Variants in RIMBP2 observed in about 807,000 individuals in gnomAD.
The protein encoded by RIMBP2 is RIMS binding protein 2.
A neutral mutation model predicts 118.6 loss-of-function variants in RIMBP2; 48 were observed. That is an observed-to-expected ratio of 0.40 (90% CI 0.32 to 0.51). RIMBP2 has a LOEUF of 0.51. Ranked by LOEUF, RIMBP2 falls within the 20% of genes least tolerant of loss-of-function variation. RIMBP2 has a pLI of 0.41. For synonymous variants in RIMBP2, 762 were observed against 742.9 expected, an observed-to-expected ratio of 1.03 and a Z score of -0.42; for missense variants, 1,551 against 1,768.3, an observed-to-expected ratio of 0.88 and a Z score of 2.20.
chr12:130,642,875 C>G (rs1237911138), intron 1 of RIMBP2, among the ~76,000 whole-genome samples: 1 of 152,212 alleles, frequency 6.6e-6, no homozygotes, highest in Admixed American at 6.5e-5. Context: ...CACGTGCCCT[C>G]TCGGCCAGGC....
intron 2 of RIMBP2, among the ~76,000 whole-genome samples, chr12:130,592,456 TGAG>T (rs751522329): frequency 7.2e-5 from 11 of 152,028 alleles, no homozygotes; most frequent in Admixed American, 3.9e-4. Flanking sequence ...TCTGGGAGGC[TGAG>T]GAGGGTGGAT....
chr12:130,669,443 G>T (rs1289088318), intron 1 of RIMBP2, among the ~76,000 whole-genome samples: 1 of 152,156 alleles, frequency 6.6e-6, no homozygotes, highest in African/African-American at 2.4e-5. Flanking sequence ...CAGGTGGGAG[G>T]TGATTGCACC....
chr12:130,672,150 C>T (rs1009443792), intron 1 of RIMBP2, among the ~76,000 whole-genome samples: 6 of 152,164 alleles, frequency 3.9e-5, no homozygotes, highest in South Asian at 4.1e-4. Context: ...CATCAATGCT[C>T]GGAGAATTCT....
At chr12:130,624,097 A>G (rs187238330) in intron 2 of RIMBP2, among the ~76,000 whole-genome samples, 116 of 152,352 alleles carry the variant, frequency 7.6e-4, no homozygotes, top group African/African-American at 2.7e-3. Flanking sequence ...TGCTGGGTGA[A>G]ACACAGCGAT....
intron 2 of RIMBP2, among the ~76,000 whole-genome samples, chr12:130,604,995 A>G (rs559157516): frequency 6.6e-6 from 1 of 152,176 alleles, no homozygotes; most frequent in African/African-American, 2.4e-5. Context: ...AGTCCAGTAC[A>G]GTCACATCCT....
chr12:130,417,789 C>G (rs542577233), intron 17 of RIMBP2, among the ~76,000 whole-genome samples: 1 of 152,126 alleles, frequency 6.6e-6, no homozygotes, highest in African/African-American at 2.4e-5. Flanking sequence ...AATACATATG[C>G]ATATATATAC....
At chr12:130,548,199 T>G (rs1468272581) in intron 2 of RIMBP2, among the ~76,000 whole-genome samples, 1 of 152,204 alleles carries the variant, frequency 6.6e-6, no homozygotes, top group East Asian at 1.9e-4. Flanking sequence ...GTTAAGAATG[T>G]GAACAAGGGT....
In RIMBP2 at chr12:130,511,076, A is replaced by G. The variant is rs7312076; in HGVS notation, c.-126-4306T>C. Reference sequence around the variant, plus strand: ...CCCTGAAGATGGGATTGCATGGAGCATCCTGAGAGTGGGAGAGCACCGGGG... The same window carrying G: ...CCCTGAAGATGGGATTGCATGGAGCGTCCTGAGAGTGGGAGAGCACCGGGG... On this transcript the variant is annotated intron_variant, in intron 3 of 22. Transcript: ENST00000690449. The surrounding 1 kb of genome is among the most constrained non-coding windows in gnomAD (Gnocchi z 4.3). Among the ~76,000 whole-genome samples the G allele has an allele frequency of 0.63, 95,181 of 152,056 alleles. 30,050 individuals are homozygous for G. Among genetic ancestry groups the G allele is most frequent in the South Asian group, 0.74 (3,561 of 4,820 alleles).
intron 4 of RIMBP2, among the ~76,000 whole-genome samples, chr12:130,493,885 C>T (rs1021711179): frequency 2.0e-5 from 3 of 152,128 alleles, no homozygotes; most frequent in African/African-American, 4.8e-5. Context: ...TACATTTACC[C>T]GGATATCCGC....
intron 7 of RIMBP2, 152 bp from the exon 8 acceptor site, chr12:130,451,492 A>G: frequency 1.2e-6 from 1 of 867,386 alleles, no homozygotes; most frequent in Non-Finnish European, 1.7e-6. Flanking sequence ...CTCGCCATCT[A>G]TGTAGGCTGG....
At chr12:130,609,396 TG>T (rs2060375849) in intron 2 of RIMBP2, among the ~76,000 whole-genome samples, 1 of 151,016 alleles carries the variant, frequency 6.6e-6, no homozygotes, top group Non-Finnish European at 1.5e-5. Context: ...ACACTGATGT[TG>T]GCAGGGCCTT....
At position 130,617,685 on chromosome 12, in the gene RIMBP2, G is replaced by A. The variant is rs573332041; in HGVS notation, c.-217+10637C>T. On this transcript the variant is annotated intron_variant, in intron 2 of 22. Coordinates refer to ENST00000690449, the MANE Select transcript of RIMBP2 (RefSeq NM_001393629.1). This position sits in a 1 kb window ranked among gnomAD's most constrained non-coding sequence, Gnocchi z 4.6. ...TTGGGCTGAGTGTCTATGACCTGAC[G>A]CTAAGCAGCCCAGCACCTTCAGTCC... Among the ~76,000 whole-genome samples, 5 of 152,306 alleles carry A rather than the reference G, an allele frequency of 3.3e-5. No homozygotes were observed. The South Asian group carries it at 6.2e-4, about 19-fold the overall frequency.
intron 17 of RIMBP2, among the ~76,000 whole-genome samples, chr12:130,415,052 A>G (rs73457140): frequency 0.035 from 5,393 of 152,286 alleles, 343 homozygotes; most frequent in African/African-American, 0.12. Flanking sequence ...AACTCATTCT[A>G]TGAAGCCAAC....
chr12:130,660,975 T>C (rs940328336), intron 1 of RIMBP2, among the ~76,000 whole-genome samples: 5 of 152,160 alleles, frequency 3.3e-5, no homozygotes, highest in African/African-American at 4.8e-5. Context: ...TCCCAGCACT[T>C]TGGGAGGCCA....
intron 1 of RIMBP2, among the ~76,000 whole-genome samples, chr12:130,674,836 C>T (rs891499676): frequency 2.6e-5 from 4 of 152,034 alleles, no homozygotes; most frequent in East Asian, 1.9e-4. Context: ...CTGCTCGGGA[C>T]GGGTCGTATA....
At chr12:130,679,427 T>A (rs2064661049) in intron 1 of RIMBP2, among the ~76,000 whole-genome samples, 1 of 152,196 alleles carries the variant, frequency 6.6e-6, no homozygotes, top group Non-Finnish European at 1.5e-5. Context: ...GAGAAACCAT[T>A]AGTCTCACAA....
rs2076262314 is a variant in RIMBP2, at chr12:130,419,005, T to C, written c.3238+3448A>G. On this transcript the variant is annotated intron_variant, in intron 17 of 22. Transcript: ENST00000690449. The surrounding 1 kb of genome is among the most constrained non-coding windows in gnomAD (Gnocchi z 4.3). ...GTGGGGTAGAGGTGGGTGGAGCACTTGGAGTTGAACGTATGTGAATAAAAT... is the reference window on the plus strand; with the variant it reads ...GTGGGGTAGAGGTGGGTGGAGCACTCGGAGTTGAACGTATGTGAATAAAAT... Among the ~76,000 whole-genome samples the C allele has an allele frequency of 6.6e-6, 1 of 152,174 alleles. No homozygotes were observed. The highest frequency in any genetic ancestry group is 1.5e-5 in the Non-Finnish European group (1 of 68,034).
chr12:130,562,350 CTT>C (rs1354654128), intron 2 of RIMBP2, among the ~76,000 whole-genome samples: 2 of 152,282 alleles, frequency 1.3e-5, no homozygotes, highest in East Asian at 3.9e-4. Context: ...AAAATTATGA[CTT>C]TACCTAACTG....
intron 6 of RIMBP2, among the ~76,000 whole-genome samples, chr12:130,458,669 T>C (rs1286636927): frequency 6.6e-6 from 1 of 152,206 alleles, no homozygotes; most frequent in Non-Finnish European, 1.5e-5. Flanking sequence ...AGACATTTAA[T>C]AGTCATGCAT....
Sources: allele counts gnomAD v4.1 joint callset (sites outside exome capture counted in the v4.1 genomes callset), GRCh38; gene constraint gnomAD v4.1.1; non-coding constraint Gnocchi (gnomAD v3.1); transcripts MANE v1.5; gene names NCBI Gene and HGNC (gene_info 2026-07-23, HGNC 2026-07-21).